OVCH1: variants seen among roughly 807,000 people sequenced by gnomAD.
The protein encoded by OVCH1 is ovochymase 1, also known as ovochymase-1.
Under a neutral mutation model 138.4 loss-of-function variants are expected in OVCH1, and 139 were observed. That is an observed-to-expected ratio of 1.00 (90% CI 0.87 to 1.16). The LOEUF (loss-of-function observed/expected upper bound fraction) is 1.16, where lower values mean the gene tolerates loss of function less well. Ranked by LOEUF, OVCH1 falls within the 50% of genes most tolerant of loss-of-function variation. The pLI is 0.00. For missense variants in OVCH1, 1,367 were observed against 1,357.9 expected, an observed-to-expected ratio of 1.01 and a Z score of -0.11; for synonymous variants, 453 against 467.8, an observed-to-expected ratio of 0.97 and a Z score of 0.41.
chr12:29,403,823 G>C, the OVCH1 span, among the ~76,000 whole-genome samples: 1 of 152,114 alleles, frequency 6.6e-6, no homozygotes, highest in African/African-American at 2.4e-5. Context: ...GAATTATATG[G>C]ATTTAATAAT....
chr12:29,492,180 G>T lies in OVCH1; in HGVS notation c.455-988C>A, dbSNP rs151182856. 9.9e-5 allele frequency among the ~76,000 whole-genome samples: 15 copies of T among 152,244 alleles called. No individual in the cohort carries two copies. The East Asian group carries it at 2.3e-3, about 24-fold the overall frequency. ...GTCTCATTGAGCAGGTGACATCTGAGCAAAGTCTTGAAGCTGAGGAAAGGA... is the reference window on the plus strand; with the variant it reads ...GTCTCATTGAGCAGGTGACATCTGATCAAAGTCTTGAAGCTGAGGAAAGGA... On this transcript the variant is annotated intron_variant, in intron 4 of 27. Coordinates refer to ENST00000318184, the Ensembl canonical transcript of OVCH1.
chr12:29,453,779 C>T (rs1255766356), intron 21 of OVCH1, among the ~76,000 whole-genome samples: 1 of 152,092 alleles, frequency 6.6e-6, no homozygotes, highest in African/African-American at 2.4e-5. Flanking sequence ...ATTAAGTCTA[C>T]CCTCTACCTA....
At chr12:29,489,409 G>T (rs1336831544) in intron 6 of OVCH1, among the ~76,000 whole-genome samples, 3 of 152,184 alleles carry the variant, frequency 2.0e-5, no homozygotes, top group Non-Finnish European at 4.4e-5. Flanking sequence ...CGAAATAAAA[G>T]AAGTGTAGGG....
chr12:29,443,480 G>T (rs1941539186), exon 25 of OVCH1: 1 of 1,603,498 alleles, frequency 6.2e-7, no homozygotes, highest in Non-Finnish European at 8.5e-7. Flanking sequence ...ATTTAAAGGG[G>T]CTACTAATCT....
At chr12:29,485,271 G>T (rs1288990690) in intron 8 of OVCH1, among the ~76,000 whole-genome samples, 1 of 143,280 alleles carries the variant, frequency 7.0e-6, no homozygotes, top group Admixed American at 7.2e-5. Context: ...GAGGCAGAGT[G>T]CATGCCACTG....
chr12:29,413,661 T>TACACACACACACAC (rs34675791), intron 3 of OVCH1, among the ~76,000 whole-genome samples: 65 of 149,044 alleles, frequency 4.4e-4, no homozygotes, highest in Admixed American at 6.7e-4. Flanking sequence ...CTGTGTGTAT[T>TACACACACACACAC]ACACACATAC....
chr12:29,405,574 T>C, the OVCH1 span, among the ~76,000 whole-genome samples: 1 of 152,358 alleles, frequency 6.6e-6, no homozygotes, highest in South Asian at 2.1e-4. Flanking sequence ...TCTCTGACGC[T>C]GTAATGATGT....
At chr12:29,432,772 A>G (rs1414655610) in intron 27 of OVCH1, among the ~76,000 whole-genome samples, 1 of 152,180 alleles carries the variant, frequency 6.6e-6, no homozygotes, top group African/African-American at 2.4e-5. Context: ...TGACAGTGAT[A>G]GAGAAAATGA....
At chr12:29,484,274 A>G (rs1189698104) in intron 8 of OVCH1, among the ~76,000 whole-genome samples, 1 of 152,244 alleles carries the variant, frequency 6.6e-6, no homozygotes, top group Non-Finnish European at 1.5e-5. Context: ...AAGTATTACC[A>G]TGATCATAGA....
At chr12:29,488,747 A>G (rs1592114229) in intron 6 of OVCH1, among the ~76,000 whole-genome samples, 1 of 152,136 alleles carries the variant, frequency 6.6e-6, no homozygotes, top group South Asian at 2.1e-4. Context: ...CTTTAAGACT[A>G]TGTTTCAGAC....
At chr12:29,458,896 A>G (rs1232430473) in intron 19 of OVCH1, among the ~76,000 whole-genome samples, 4 of 152,226 alleles carry the variant, frequency 2.6e-5, no homozygotes, top group African/African-American at 9.6e-5. Flanking sequence ...GGTGCTCAAC[A>G]TCATTGATCA....
At chr12:29,492,124 G>A (rs1424934232) in intron 4 of OVCH1, among the ~76,000 whole-genome samples, 1 of 152,118 alleles carries the variant, frequency 6.6e-6, no homozygotes, top group Admixed American at 6.6e-5. Context: ...TGGCATGGAA[G>A]ATGTCATTTT....
At position 29,443,509 on chromosome 12, in the gene OVCH1, T is replaced by C. The variant is rs1941540273; in HGVS notation, c.3018-9A>G. The stretch of plus-strand genomic sequence containing the variant: ...CTAATCTCCATTGGCAACTATGGCA[T>C]AGATGAAACAAAGTCAGAAATTATT... On this transcript the variant is annotated splice_polypyrimidine_tract_variant and intron_variant, in intron 24 of 27. Coordinates refer to ENST00000318184, the Ensembl canonical transcript of OVCH1. The C allele has an allele frequency of 1.3e-6, 2 of 1,576,424 alleles. No individual in the cohort carries two copies. The highest frequency in any genetic ancestry group is 1.7e-6 in the Non-Finnish European group (2 of 1,159,472).
At chr12:29,441,799 A>G (rs1310162112) in intron 25 of OVCH1, among the ~76,000 whole-genome samples, 3 of 152,186 alleles carry the variant, frequency 2.0e-5, no homozygotes, top group African/African-American at 7.2e-5. Context: ...ACCCCATCAA[A>G]AAATGGGCAA....
chr12:29,476,154 A>G (rs1302144803), intron 13 of OVCH1, 52 bp downstream of exon 13: 12 of 1,449,926 alleles, frequency 8.3e-6, no homozygotes, highest in Non-Finnish European at 1.2e-5. Flanking sequence ...CCATGTTGCC[A>G]CTACTCTGAT....
chr12:29,430,811 C>A (rs979111559), intron 27 of OVCH1: 6 of 476,298 alleles, frequency 1.3e-5, no homozygotes, highest in African/African-American at 1.2e-4. Context: ...TAACACCCTC[C>A]CTTGAGTTCT....
downstream of OVCH1, among the ~76,000 whole-genome samples, chr12:29,424,050 G>T (rs1372475483): frequency 6.6e-6 from 1 of 152,234 alleles, no homozygotes; most frequent in Non-Finnish European, 1.5e-5. Flanking sequence ...TAGAGGTGTG[G>T]CGTGGGAAAT....
At chr12:29,422,902 A>G (rs1190781459), downstream of OVCH1, among the ~76,000 whole-genome samples, 1 of 152,172 alleles carries the variant, frequency 6.6e-6, no homozygotes, top group Non-Finnish European at 1.5e-5. Context: ...GTTTATCATT[A>G]TTTCTTAAAA....
At chr12:29,443,531 T>C in intron 24 of OVCH1, 31 bp from the exon 25 acceptor site, 1 of 1,562,362 alleles carries the variant, frequency 6.4e-7, no homozygotes, top group Non-Finnish European at 8.7e-7. Flanking sequence ...AGTCAGAAAT[T>C]ATTTCTAAAC....
Sources: allele counts gnomAD v4.1 joint callset (sites outside exome capture counted in the v4.1 genomes callset), GRCh38; gene constraint gnomAD v4.1.1; transcripts MANE v1.5; gene names NCBI Gene and HGNC (gene_info 2026-07-23, HGNC 2026-07-21).